Variants in CSMD1 observed in about 807,000 individuals in gnomAD.
The protein encoded by CSMD1 is CUB and sushi domain-containing protein 1.
In CSMD1, 213 loss-of-function variants were observed where a neutral mutation model predicts 417.5. That is an observed-to-expected ratio of 0.51 (90% confidence interval 0.46 to 0.57). The LOEUF (loss-of-function observed/expected upper bound fraction) is 0.57. Among genes scored for constraint, CSMD1 ranks in the 20% least tolerant of loss-of-function variants. CSMD1 has a pLI of 0.00. For synonymous variants in CSMD1, 2,862 were observed against 1,736.8 expected (o/e 1.65, Z -16.11); for missense variants, 6,923 against 4,529.7 (o/e 1.53, Z -15.17).
At chr8:4,734,493 T>G (rs1308450895) in intron 1 of CSMD1, among the ~76,000 whole-genome samples, 1 of 152,168 alleles carries the variant, frequency 6.6e-6, no homozygotes, top group East Asian at 1.9e-4. Context: ...AGCTCTAAGA[T>G]TTTTTTATTT....
intron 17 of CSMD1, among the ~76,000 whole-genome samples, chr8:3,390,945 G>T (rs955723778): frequency 6.6e-6 from 1 of 152,136 alleles, no homozygotes; most frequent in African/African-American, 2.4e-5. Flanking sequence ...GATAAAGCCA[G>T]TGAGCCAAGA....
intron 1 of CSMD1, among the ~76,000 whole-genome samples, chr8:4,969,020 A>G (rs961564910): frequency 2.0e-5 from 3 of 152,160 alleles, no homozygotes; most frequent in Non-Finnish European, 4.4e-5. Context: ...TCGCTTCTGG[A>G]AAGCCACTAT....
At chr8:4,154,557 A>T (rs1374947825) in intron 3 of CSMD1, among the ~76,000 whole-genome samples, 8 of 152,198 alleles carry the variant, frequency 5.3e-5, no homozygotes, top group Admixed American at 3.9e-4. Context: ...TATGCTTCTA[A>T]CGCCGTGAGC....
intron 41 of CSMD1, among the ~76,000 whole-genome samples, chr8:3,138,003 T>C (rs946499977): frequency 6.6e-6 from 1 of 152,208 alleles, no homozygotes; most frequent in Non-Finnish European, 1.5e-5. Flanking sequence ...GGAGGGCAAA[T>C]GACCTGAGGT....
At chr8:4,817,377 T>A (rs1037607354) in intron 1 of CSMD1, among the ~76,000 whole-genome samples, 5 of 152,198 alleles carry the variant, frequency 3.3e-5, no homozygotes, top group East Asian at 3.9e-4. Context: ...ATTAAAAAAA[T>A]GAGGCCTGCT....
chr8:4,402,489 A>C (rs1279914919), intron 3 of CSMD1, among the ~76,000 whole-genome samples: 1 of 151,362 alleles, frequency 6.6e-6, no homozygotes, highest in African/African-American at 2.4e-5. Flanking sequence ...GTTCATGACC[A>C]CTCCTCTCCC....
intron 25 of CSMD1, chr8:3,284,636 C>G (rs57171569): frequency 0.041 from 15,052 of 369,576 alleles, 422 homozygotes; most frequent in African/African-American, 0.096. Flanking sequence ...TTTGAGACTT[C>G]CAGATCTCTG....
At chr8:3,791,646 A>G (rs953040002) in intron 5 of CSMD1, among the ~76,000 whole-genome samples, 2 of 152,150 alleles carry the variant, frequency 1.3e-5, no homozygotes, top group East Asian at 1.9e-4. Context: ...CAGCATGGCA[A>G]AAACCCATCT....
intron 1 of CSMD1, among the ~76,000 whole-genome samples, chr8:4,870,974 G>C (rs558001839): frequency 5.9e-5 from 9 of 152,150 alleles, no homozygotes; most frequent in African/African-American, 2.2e-4. Context: ...GAAGAGTCAG[G>C]GACTCAGGGG....
chr8:4,366,070 G>C (rs1418997053), intron 3 of CSMD1, among the ~76,000 whole-genome samples: 4 of 152,000 alleles, frequency 2.6e-5, no homozygotes, highest in African/African-American at 4.8e-5. Context: ...TCCAATCCAT[G>C]AGCCTCTCCT....
chr8:3,323,174 C>T (rs1806267837), intron 23 of CSMD1, among the ~76,000 whole-genome samples: 1 of 152,160 alleles, frequency 6.6e-6, no homozygotes, highest in Admixed American at 6.5e-5. Flanking sequence ...TGGGCAACTT[C>T]TAACTTCGTG....
intron 3 of CSMD1, among the ~76,000 whole-genome samples, chr8:4,111,166 G>T (rs557228867): frequency 6.6e-6 from 1 of 152,124 alleles, no homozygotes; most frequent in Non-Finnish European, 1.5e-5. Context: ...GGACAGAAAA[G>T]TTTCCCTGTT....
chr8:4,955,933 T>G (rs958455527), intron 1 of CSMD1, among the ~76,000 whole-genome samples: 2 of 152,178 alleles, frequency 1.3e-5, no homozygotes, highest in Admixed American at 6.5e-5. Context: ...TCCAGGCGAT[T>G]CAGATGAATG....
intron 3 of CSMD1, among the ~76,000 whole-genome samples, chr8:4,115,819 A>C (rs1247686583): frequency 6.6e-6 from 1 of 152,062 alleles, no homozygotes; most frequent in East Asian, 1.9e-4. Flanking sequence ...TCTCAGTAAA[A>C]AAAAAGCCAA....
chr8:3,990,161 C>T (rs1814636395), intron 5 of CSMD1, among the ~76,000 whole-genome samples: 1 of 151,968 alleles, frequency 6.6e-6, no homozygotes, highest in South Asian at 2.1e-4. Flanking sequence ...TTATTGTTTC[C>T]AGGATTAAGG....
chr8:4,411,218 C>T (rs1228772573), intron 3 of CSMD1, among the ~76,000 whole-genome samples: 1 of 152,132 alleles, frequency 6.6e-6, no homozygotes, highest in Non-Finnish European at 1.5e-5. Context: ...CCATCAAGTA[C>T]AAATATTAAT....
intron 6 of CSMD1, among the ~76,000 whole-genome samples, chr8:3,750,192 C>T (rs886730064): frequency 5.3e-5 from 8 of 152,152 alleles, no homozygotes; most frequent in African/African-American, 1.7e-4. Context: ...GTAACACTGA[C>T]GGAATTTTTG....
chr8:4,416,146 T>C (rs1796924834), intron 3 of CSMD1, among the ~76,000 whole-genome samples: 1 of 152,182 alleles, frequency 6.6e-6, no homozygotes, highest in Admixed American at 6.6e-5. Flanking sequence ...AGAAAAGTTC[T>C]ATACAAAGCA....
intron 11 of CSMD1, among the ~76,000 whole-genome samples, chr8:3,481,917 G>T (rs1042120332): frequency 6.6e-6 from 1 of 152,160 alleles, no homozygotes; most frequent in East Asian, 1.9e-4. Context: ...GCTGTTTTGA[G>T]CCACCAAGTT....
Sources: gnomAD v4.1 joint callset for allele counts (sites outside exome capture counted in the v4.1 genomes callset) on GRCh38, gnomAD v4.1.1 for gene constraint, MANE v1.5 for transcripts, NCBI Gene and HGNC (gene_info 2026-07-23, HGNC 2026-07-21) for gene names.